The following LRRC39 variants were observed in gnomAD, a reference collection of about 807,000 sequenced individuals.
LRRC39 encodes the protein leucine rich repeat containing 39, also known as leucine-rich repeat-containing protein 39.
Under a neutral mutation model 39.7 loss-of-function variants are expected in LRRC39, and 35 were observed. The observed-to-expected ratio is 0.88, with a 90% CI of 0.67 to 1.17. The LOEUF (loss-of-function observed/expected upper bound fraction) is 1.17, where lower values mean the gene tolerates loss of function less well. Among genes scored for constraint, LRRC39 ranks in the 50% most tolerant of loss-of-function variants. LRRC39 has a pLI of 0.00. For missense variants in LRRC39, 357 were observed against 385.8 expected (o/e 0.93, Z 0.62); for synonymous variants, 113 against 134.1 (o/e 0.84, Z 1.09).
At chr1:100,166,405 T>C (rs1659247993) in intron 3 of LRRC39, among the ~76,000 whole-genome samples, 1 of 152,190 alleles carries the variant, frequency 6.6e-6, no homozygotes, top group South Asian at 2.1e-4. Flanking sequence ...GTTCAATGGC[T>C]TTGACCAAAA....
rs1353881855 is a variant in LRRC39 at position 100,156,162 on chromosome 1, T to C, written c.659+10A>G. ...CTTTTATCATTAGCATAAAGAGTTA[T>C]TTCTTTTACCTTTCTATAGTATCAG... On this transcript the variant is annotated intron_variant, in intron 7 of 9. Transcript: ENST00000370137. 1.9e-6 allele frequency: 3 copies of C among 1,607,366 alleles called. No homozygotes were observed. The highest frequency in any genetic ancestry group is 1.7e-5 in the Admixed American group (1 of 58,514).
chr1:100,159,819 T>G (rs954779170), intron 4 of LRRC39, among the ~76,000 whole-genome samples: 1 of 152,160 alleles, frequency 6.6e-6, no homozygotes, highest in Non-Finnish European at 1.5e-5. Context: ...TTTCCACTTC[T>G]GTTTTGAAAT....
At chr1:100,172,063 T>A (rs1659653228) in intron 2 of LRRC39, among the ~76,000 whole-genome samples, 1 of 152,046 alleles carries the variant, frequency 6.6e-6, no homozygotes, top group African/African-American at 2.4e-5. Context: ...CACACACATG[T>A]ATAAAATTTT....
intron 3 of LRRC39, among the ~76,000 whole-genome samples, chr1:100,164,613 TC>T: frequency 6.6e-6 from 1 of 152,250 alleles, no homozygotes; most frequent in Non-Finnish European, 1.5e-5. Context: ...TAGCCTTTTC[TC>T]TGGTAATCAG....
At chr1:100,160,006 G>T (rs1658753518) in intron 4 of LRRC39, among the ~76,000 whole-genome samples, 1 of 152,130 alleles carries the variant, frequency 6.6e-6, no homozygotes, top group Non-Finnish European at 1.5e-5. Context: ...AGGGTTAGAA[G>T]CTCTTGTAAA....
In LRRC39 at chr1:100,162,631, C is replaced by T. The variant is rs574017379; in HGVS notation, c.114-2060G>A. Among the ~76,000 whole-genome samples the T allele has an allele frequency of 3.4e-4, 51 of 150,954 alleles. No homozygotes were observed. In the South Asian group the frequency reaches 4.4e-3, roughly 13 times the overall value. On this transcript the variant is annotated intron_variant, in intron 3 of 9. Coordinates refer to ENST00000370137, the MANE Select transcript of LRRC39 (RefSeq NM_144620.4). ...CCAGCCTGGGCGACAGAGCAAGACT[C>T]GGTCTCCAGAAAAAAAAAAAGAAAG...
intron 6 of LRRC39, among the ~76,000 whole-genome samples, chr1:100,156,684 A>G (rs1658466114): frequency 6.6e-6 from 1 of 152,166 alleles, no homozygotes; most frequent in African/African-American, 2.4e-5. Context: ...TTAACTTCCA[A>G]ATAATAGTGG....
rs1358305643 is a variant in LRRC39 at position 100,148,634 on chromosome 1, T to G, written c.*408A>C. 1 of 1,606,836 alleles carries G rather than the reference T, an allele frequency of 6.2e-7. No individual in the cohort carries two copies. Among genetic ancestry groups the G allele is most frequent in the Admixed American group, 1.7e-5 (1 of 57,946 alleles). On this transcript the variant is annotated 3_prime_UTR_variant, in exon 10 of 10. Coordinates refer to ENST00000370137, the MANE Select transcript of LRRC39 (RefSeq NM_144620.4). ...TGTTTATTCAATTTAGGCTTCTTAG[T>G]GTTGAAGAAAAGAAGAAAATAGGGC...
chr1:100,175,528 AT>A (rs1203004799), intron 1 of LRRC39, among the ~76,000 whole-genome samples: 1 of 152,086 alleles, frequency 6.6e-6, no homozygotes, highest in East Asian at 1.9e-4. Context: ...CCTAACACAG[AT>A]TGATAAAGTG....
chr1:100,163,598 A>T (rs1371513123), intron 3 of LRRC39, among the ~76,000 whole-genome samples: 4 of 150,334 alleles, frequency 2.7e-5, no homozygotes, highest in South Asian at 2.1e-4. Flanking sequence ...CTTTTTCTAA[A>T]AAAAAAAAAA....
intron 7 of LRRC39, 114 bp downstream of exon 7, chr1:100,156,058 C>G: frequency 1.1e-6 from 1 of 895,814 alleles, no homozygotes; most frequent in Non-Finnish European, 1.6e-6. Context: ...GTATTTCAAA[C>G]TAGTTGGACC....
chr1:100,157,076 A>G (rs1197938495), intron 6 of LRRC39, among the ~76,000 whole-genome samples: 1 of 152,218 alleles, frequency 6.6e-6, no homozygotes, highest in East Asian at 1.9e-4. Context: ...AGTTAGAAAT[A>G]AAATATTTAT....
At chr1:100,167,874 A>G (rs1659357019) in intron 3 of LRRC39, among the ~76,000 whole-genome samples, 1 of 151,250 alleles carries the variant, frequency 6.6e-6, no homozygotes, top group South Asian at 2.1e-4. Context: ...ATATGCATCT[A>G]TGAGGAAAGG....
intron 5 of LRRC39, 83 bp from the exon 6 acceptor site, chr1:100,158,450 T>G (rs1286865632): frequency 8.3e-6 from 11 of 1,321,410 alleles, no homozygotes; most frequent in South Asian, 4.3e-5. Flanking sequence ...ATAACTTTTT[T>G]TTTTTGAGAC....
At position 100,152,381 on chromosome 1, in the gene LRRC39, A is replaced by T. The variant is rs777732720; in HGVS notation, c.952+4T>A. 38 of 1,613,214 alleles carry T rather than the reference A, an allele frequency of 2.4e-5. No homozygotes were observed. The highest frequency in any genetic ancestry group is 3.1e-5 in the Non-Finnish European group (37 of 1,179,686). ...TTAATCTGTGTTATATACAAATCTT[A>T]TACCTGCTCTTCTCCGTGACTCTTG... On this transcript the variant is annotated splice_donor_region_variant and intron_variant, in intron 9 of 9. Coordinates refer to ENST00000370137, the MANE Select transcript of LRRC39 (RefSeq NM_144620.4).
chr1:100,174,496 A>G (rs1234040725), intron 1 of LRRC39, among the ~76,000 whole-genome samples: 2 of 151,526 alleles, frequency 1.3e-5, no homozygotes, highest in African/African-American at 2.4e-5. Context: ...ATGGGGTTTT[A>G]CCATGTTGCC....
intron 1 of LRRC39, among the ~76,000 whole-genome samples, chr1:100,177,568 T>C (rs1476341205): frequency 6.6e-6 from 1 of 152,238 alleles, no homozygotes; most frequent in African/African-American, 2.4e-5. Flanking sequence ...TTCCTGAGCA[T>C]ATTGCAACCA....
At chr1:100,154,443 G>A (rs1433840239) in intron 8 of LRRC39, among the ~76,000 whole-genome samples, 4 of 152,094 alleles carry the variant, frequency 2.6e-5, no homozygotes, top group Admixed American at 6.5e-5. Flanking sequence ...GCAATAGGTT[G>A]GTTATGGTAC....
intron 3 of LRRC39, among the ~76,000 whole-genome samples, chr1:100,167,805 T>A (rs1208797964): frequency 6.8e-6 from 1 of 147,176 alleles, no homozygotes; most frequent in African/African-American, 2.5e-5. Context: ...ATAATAATAA[T>A]AATAATAATA....
Sources: gnomAD v4.1 joint callset for allele counts (sites outside exome capture counted in the v4.1 genomes callset) on GRCh38, gnomAD v4.1.1 for gene constraint, MANE v1.5 for transcripts, NCBI Gene and HGNC (gene_info 2026-07-23, HGNC 2026-07-21) for gene names.